Variants in PRUNE2 observed in about 807,000 individuals in gnomAD.
The protein encoded by PRUNE2 is prune homolog 2 with BCH domain, also known as protein prune homolog 2.
PRUNE2 carries 164 observed loss-of-function variants against 252.0 expected under a neutral mutation model. The ratio of observed to expected loss-of-function variants is 0.65; its 90% CI spans 0.57 to 0.74. The LOEUF (loss-of-function observed/expected upper bound fraction) is 0.74, where lower values mean the gene tolerates loss of function less well. PRUNE2 is among the 30% of genes least tolerant of loss of function. PRUNE2 has a pLI of 0.00. For synonymous variants in PRUNE2, 1,292 were observed against 1,350.2 expected, an observed-to-expected ratio of 0.96 and a Z score of 0.94; for missense variants, 3,495 against 3,711.0, an observed-to-expected ratio of 0.94 and a Z score of 1.51.
chr9:76,684,440 C>T (rs115045258), intron 9 of PRUNE2, among the ~76,000 whole-genome samples: 1,816 of 152,254 alleles, frequency 0.012, 37 homozygotes, highest in African/African-American at 0.041. Context: ...CTCCAGAGTC[C>T]CTGTGCTCCC....
intron 6 of PRUNE2, chr9:76,737,219 T>C (rs1341760034): frequency 6.6e-6 from 1 of 152,204 alleles, no homozygotes; most frequent in African/African-American, 2.4e-5. Context: ...GTCTATTTAT[T>C]AGTAAGCTGC....
rs1188623907 is a variant in PRUNE2 at position 76,860,250 on chromosome 9, A to G, written c.37-6042T>C. 5.9e-5 allele frequency among the ~76,000 whole-genome samples: 9 copies of G among 152,346 alleles called. No individual in the cohort carries two copies. The East Asian group carries it at 1.7e-3, about 29-fold the overall frequency. On this transcript the variant is annotated intron_variant, in intron 1 of 18. Transcript: ENST00000376718. ...ATCTGTAGGAGTAGTTGGGGAAGTT[A>G]TCGATCTTGTGACTCCCTTAATTGC... is the stretch of plus-strand genomic sequence containing the variant.
chr9:76,692,236 C>G, intron 9 of PRUNE2: 2 of 701,424 alleles, frequency 2.9e-6, no homozygotes, highest in Non-Finnish European at 2.7e-6. Flanking sequence ...TCACCTGCCT[C>G]CCAGATCTCC....
rs573803197 is a variant in PRUNE2 at position 76,679,855 on chromosome 9, A to G, written c.8276+23482T>C. The stretch of plus-strand genomic sequence containing the variant: ...GACCCTCACCTTATGCAATATACCA[A>G]AATTGCTCAAAATGGATTAGCAATA... On this transcript the variant is annotated intron_variant, in intron 9 of 18. Transcript: ENST00000376718. Among the ~76,000 whole-genome samples the G allele has an allele frequency of 7.2e-5, 11 of 152,356 alleles. No individual in the cohort carries two copies. The South Asian group carries it at 2.1e-3, about 29-fold the overall frequency.
At chr9:76,846,390 T>C (rs1009167818) in intron 4 of PRUNE2, 125 bp downstream of exon 4, 51 of 719,038 alleles carry the variant, frequency 7.1e-5, no homozygotes, top group Admixed American at 7.0e-4. Flanking sequence ...GCCTCTCTGA[T>C]GAAGCTTCCC....
At chr9:76,753,787 G>A (rs946375441) in intron 6 of PRUNE2, among the ~76,000 whole-genome samples, 3 of 151,978 alleles carry the variant, frequency 2.0e-5, no homozygotes, top group South Asian at 2.1e-4. Flanking sequence ...GCGTGGTGGC[G>A]GGCACCTGTA....
chr9:76,840,968 C>T (rs866814470), intron 4 of PRUNE2, among the ~76,000 whole-genome samples: 2 of 150,666 alleles, frequency 1.3e-5, no homozygotes, highest in East Asian at 2.0e-4. Flanking sequence ...GCAACAAGCG[C>T]GAGACTTCCT....
At chr9:76,623,190 C>T (rs898508529) in intron 17 of PRUNE2, among the ~76,000 whole-genome samples, 8 of 152,110 alleles carry the variant, frequency 5.3e-5, no homozygotes, top group Non-Finnish European at 1.2e-4. Context: ...AGGGAAGAAA[C>T]TTAATGTGCT....
chr9:76,709,606 A>G lies in PRUNE2; in HGVS notation c.2668T>C (p.Trp890Arg). The G allele has an allele frequency of 6.2e-7, 1 of 1,613,968 alleles. No homozygotes were observed. Among genetic ancestry groups the G allele is most frequent in the Non-Finnish European group, 8.5e-7 (1 of 1,179,902 alleles). Residue 890 changes from tryptophan (W) to arginine (R), a missense_variant, in exon 8 of 19, where the codon TGG becomes CGG. Trp to Arg is a moderately radical substitution (Grantham distance 101). Coordinates refer to ENST00000376718, the MANE Select transcript of PRUNE2 (RefSeq NM_015225.3). ...GNPSSDLDHT[W>R]TNSKPPKEDQ... is the part of the protein sequence containing the mutation. ...TCTTTTGGTGGCTTAGAATTAGTCC[A>G]TGTGTGATCCAGATCAGAACTGGGA...
chr9:76,684,013 G>C (rs549650376), intron 9 of PRUNE2, among the ~76,000 whole-genome samples: 36 of 151,608 alleles, frequency 2.4e-4, no homozygotes, highest in African/African-American at 7.7e-4. Context: ...GTGATGTTTT[G>C]ACATATATTT....
chr9:76,644,503 A>G (rs910609481), intron 12 of PRUNE2: 2 of 619,382 alleles, frequency 3.2e-6, no homozygotes, highest in South Asian at 3.2e-5. Flanking sequence ...TCGCTATCAG[A>G]TATGTAGCAT....
intron 6 of PRUNE2, among the ~76,000 whole-genome samples, chr9:76,752,379 G>A (rs2050711604): frequency 1.3e-5 from 2 of 152,230 alleles, no homozygotes; most frequent in South Asian, 4.1e-4. Context: ...TTACAGGCGT[G>A]AGCCACCGCG....
At position 76,638,219 on chromosome 9, in the gene PRUNE2, G is replaced by A. The variant is rs377615610; in HGVS notation, c.8798C>T (p.Ala2933Val). The change falls in exon 13 of 19, where the codon GCG (alanine) becomes GTG (valine). Residue 2933 changes from alanine (A) to valine (V), a missense_variant. Transcript: ENST00000376718. Reference sequence around the variant, plus strand: ...ATTTTCCATGACATAGTGGTAATCCGCCCGACTGCTGTCTGGCAGAAAACA... The same window carrying A: ...ATTTTCCATGACATAGTGGTAATCCACCCGACTGCTGTCTGGCAGAAAACA... ...AACFLPDSSR[A>V]DYHYVMENLF... The A allele has an allele frequency of 5.1e-5, 82 of 1,613,422 alleles. No homozygotes were observed. Among genetic ancestry groups the A allele is most frequent in the African/African-American group, 1.9e-4 (14 of 74,908 alleles).
chr9:76,714,726 G>A (rs1367433011), intron 6 of PRUNE2, among the ~76,000 whole-genome samples: 2 of 152,200 alleles, frequency 1.3e-5, no homozygotes, highest in Non-Finnish European at 2.9e-5. Flanking sequence ...TACAATGAGA[G>A]CCACTTTCTC....
At chr9:76,640,067 C>A (rs1841913216) in intron 12 of PRUNE2, among the ~76,000 whole-genome samples, 1 of 152,134 alleles carries the variant, frequency 6.6e-6, no homozygotes, top group African/African-American at 2.4e-5. Context: ...GTATCCCTGT[C>A]TAAACGATTG....
chr9:76,798,401 T>C (rs1039776620), intron 6 of PRUNE2, among the ~76,000 whole-genome samples: 3 of 152,236 alleles, frequency 2.0e-5, no homozygotes, highest in Non-Finnish European at 4.4e-5. Context: ...CCTTTCTGTA[T>C]CTGGCTTACT....
chr9:76,719,757 C>T (rs2047467743), intron 6 of PRUNE2, among the ~76,000 whole-genome samples: 1 of 152,152 alleles, frequency 6.6e-6, no homozygotes, highest in East Asian at 1.9e-4. Flanking sequence ...AAGCTGTTCT[C>T]CCACTCAGCC....
At chr9:76,672,595 T>C (rs1405310326) in intron 9 of PRUNE2, among the ~76,000 whole-genome samples, 1 of 133,100 alleles carries the variant, frequency 7.5e-6, no homozygotes, top group Non-Finnish European at 1.6e-5. Context: ...ATCAACAGAA[T>C]ATACATTTTT....
At chr9:76,883,880 A>T (rs973113981) in intron 1 of PRUNE2, among the ~76,000 whole-genome samples, 9 of 152,196 alleles carry the variant, frequency 5.9e-5, no homozygotes, top group Admixed American at 1.3e-4. Context: ...TGCTTTGGCC[A>T]ATGGATGGGA....
Sources: allele counts gnomAD v4.1 joint callset (sites outside exome capture counted in the v4.1 genomes callset), GRCh38; gene constraint gnomAD v4.1.1; transcripts MANE v1.5; gene names NCBI Gene and HGNC (gene_info 2026-07-23, HGNC 2026-07-21).